Variants in PARD3 observed in about 807,000 individuals in gnomAD.
The protein encoded by PARD3 is par-3 family cell polarity regulator.
A neutral mutation model predicts 155.4 loss-of-function variants in PARD3; 75 were observed. The observed-to-expected ratio is 0.48, with a 90% CI of 0.40 to 0.58. The LOEUF (loss-of-function observed/expected upper bound fraction) is 0.58, where lower values mean the gene tolerates loss of function less well. Ranked by LOEUF, PARD3 falls within the 20% of genes least tolerant of loss-of-function variation. The pLI is 0.00. For missense variants in PARD3, 1,642 were observed against 1,721.7 expected (o/e 0.95, Z 0.82); for synonymous variants, 576 against 610.5 (o/e 0.94, Z 0.83).
intron 18 of PARD3, among the ~76,000 whole-genome samples, chr10:34,333,209 C>A (rs553947497): frequency 6.6e-6 from 1 of 152,110 alleles, no homozygotes; most frequent in Admixed American, 6.6e-5. Flanking sequence ...AGAAAAAATT[C>A]TCATAAAAAC....
chr10:34,808,600 G>A (rs557304254), intron 1 of PARD3, among the ~76,000 whole-genome samples: 68 of 152,176 alleles, frequency 4.5e-4, no homozygotes, highest in African/African-American at 1.5e-3. Context: ...ATTACCTATA[G>A]AAAGCACCTT....
At chr10:34,662,736 G>A (rs2093354223) in intron 2 of PARD3, among the ~76,000 whole-genome samples, 1 of 152,102 alleles carries the variant, frequency 6.6e-6, no homozygotes, top group South Asian at 2.1e-4. Context: ...GCCCAGCGTG[G>A]TATTAGATGC....
chr10:34,207,026 C>T (rs1323389833), intron 22 of PARD3, among the ~76,000 whole-genome samples: 5 of 152,194 alleles, frequency 3.3e-5, no homozygotes, highest in African/African-American at 4.8e-5. Flanking sequence ...CACTGTGTGC[C>T]CAGCTTTAAG....
chr10:34,215,878 T>C (rs1277167446), intron 22 of PARD3, among the ~76,000 whole-genome samples: 1 of 152,214 alleles, frequency 6.6e-6, no homozygotes, highest in Non-Finnish European at 1.5e-5. Context: ...ATCCAAAAAT[T>C]CAAAATAATT....
At chr10:34,604,844 C>G (rs1427487326) in intron 2 of PARD3, among the ~76,000 whole-genome samples, 6 of 151,880 alleles carry the variant, frequency 4.0e-5, no homozygotes, top group Non-Finnish European at 7.4e-5. Context: ...AAAAGAGAAA[C>G]TGCAATGCTA....
At chr10:34,606,795 C>T (rs2090496096) in intron 2 of PARD3, among the ~76,000 whole-genome samples, 1 of 151,352 alleles carries the variant, frequency 6.6e-6, no homozygotes, top group Admixed American at 6.6e-5. Flanking sequence ...TGTGAAACCC[C>T]ATCTCTACTA....
chr10:34,634,877 G>A (rs1386355505), intron 2 of PARD3, among the ~76,000 whole-genome samples: 1 of 152,160 alleles, frequency 6.6e-6, no homozygotes, highest in African/African-American at 2.4e-5. Flanking sequence ...GCAAACAGGG[G>A]GAATCTGAAC....
At chr10:34,682,960 A>G (rs1035926824) in intron 2 of PARD3, among the ~76,000 whole-genome samples, 1 of 152,228 alleles carries the variant, frequency 6.6e-6, no homozygotes, top group Non-Finnish European at 1.5e-5. Flanking sequence ...GGTGGTGGTG[A>G]TGGTGGCCGA....
At chr10:34,277,847 T>C (rs1361403319) in intron 21 of PARD3, among the ~76,000 whole-genome samples, 1 of 152,148 alleles carries the variant, frequency 6.6e-6, no homozygotes, top group Non-Finnish European at 1.5e-5. Context: ...CCACTTTCCA[T>C]AAGCCTTTGT....
At chr10:34,243,311 T>C (rs1352364816) in intron 22 of PARD3, among the ~76,000 whole-genome samples, 6 of 152,216 alleles carry the variant, frequency 3.9e-5, no homozygotes, top group Non-Finnish European at 8.8e-5. Context: ...ATGCAAATCA[T>C]CCTTATGCAT....
At chr10:34,715,927 C>T (rs1052931504) in intron 1 of PARD3, among the ~76,000 whole-genome samples, 18 of 152,206 alleles carry the variant, frequency 1.2e-4, no homozygotes, top group African/African-American at 4.1e-4. Context: ...TATTCCCTTG[C>T]TAACCTATTT....
intron 4 of PARD3, among the ~76,000 whole-genome samples, chr10:34,456,980 G>A (rs994498039): frequency 1.3e-5 from 2 of 152,126 alleles, no homozygotes; most frequent in African/African-American, 4.8e-5. Flanking sequence ...ATATTAGAAA[G>A]AATTTGAAAA....
At chr10:34,308,014 T>C (rs994360193) in intron 20 of PARD3, among the ~76,000 whole-genome samples, 1 of 152,066 alleles carries the variant, frequency 6.6e-6, no homozygotes, top group Non-Finnish European at 1.5e-5. Flanking sequence ...TGAATAAAGA[T>C]GTTAAAGGTA....
At chr10:34,375,121 G>T in intron 10 of PARD3, 119 bp from the exon 11 acceptor site, 1 of 732,284 alleles carries the variant, frequency 1.4e-6, no homozygotes, top group Non-Finnish European at 2.2e-6. Flanking sequence ...ATCTGCTATG[G>T]AACATAACTC....
At chr10:34,522,425 T>C (rs2133702908) in intron 2 of PARD3, among the ~76,000 whole-genome samples, 1 of 152,316 alleles carries the variant, frequency 6.6e-6, no homozygotes, top group South Asian at 2.1e-4. Context: ...ATTTGCATTG[T>C]TTTCAGCCAC....
rs376183169 is a variant in PARD3, at chr10:34,466,311, T to C, written c.582+3774A>G. Among the ~76,000 whole-genome samples, 75 of 152,250 alleles carry C rather than the reference T, an allele frequency of 4.9e-4. No individual in the cohort carries two copies. In the South Asian group the frequency reaches 0.013, roughly 27 times the overall value. ...ATCATCATCTGTACACTCTGCCCAC[T>C]AAGCTAATAGTGGAATGAGATTATG... On this transcript the variant is annotated intron_variant, in intron 4 of 24. Coordinates refer to ENST00000374788, the MANE Select transcript of PARD3 (RefSeq NM_001184785.2).
At chr10:34,524,920 T>G (rs2082375055) in intron 2 of PARD3, among the ~76,000 whole-genome samples, 1 of 152,202 alleles carries the variant, frequency 6.6e-6, no homozygotes, top group African/African-American at 2.4e-5. Context: ...GCAAATGCGA[T>G]GATGTAGTAA....
At chr10:34,272,489 G>C (rs1447629837) in intron 21 of PARD3, among the ~76,000 whole-genome samples, 1 of 152,118 alleles carries the variant, frequency 6.6e-6, no homozygotes, top group Admixed American at 6.5e-5. Context: ...CAGCACTTTA[G>C]GAGGCTGATG....
intron 1 of PARD3, among the ~76,000 whole-genome samples, chr10:34,802,976 A>C (rs1842953278): frequency 6.6e-6 from 1 of 151,664 alleles, no homozygotes; most frequent in African/African-American, 2.4e-5. Context: ...CTGTAATCCC[A>C]GCACTCTGGG....
Sources: gnomAD v4.1 joint callset for allele counts (sites outside exome capture counted in the v4.1 genomes callset) on GRCh38, gnomAD v4.1.1 for gene constraint, MANE v1.5 for transcripts, NCBI Gene and HGNC (gene_info 2026-07-23, HGNC 2026-07-21) for gene names.